LINGO2: variants seen among roughly 807,000 people sequenced by gnomAD.
The protein encoded by LINGO2 is leucine rich repeat and Ig domain containing 2, also known as leucine-rich repeat and immunoglobulin-like domain-containing nogo receptor-interacting protein 2.
Under a neutral mutation model 30.6 loss-of-function variants are expected in LINGO2, and 14 were observed. That is an observed-to-expected ratio of 0.46 (90% confidence interval 0.30 to 0.72). LINGO2 has a LOEUF of 0.72. Among genes scored for constraint, LINGO2 ranks in the 30% least tolerant of loss-of-function variants. The pLI is 0.07. For synonymous variants in LINGO2, 317 were observed against 288.5 expected (o/e 1.10, Z -1.00); for missense variants, 729 against 751.7 (o/e 0.97, Z 0.35).
At chr9:28,034,227 A>G (rs898333790) in intron 4 of LINGO2, among the ~76,000 whole-genome samples, 4 of 152,160 alleles carry the variant, frequency 2.6e-5, no homozygotes, top group Admixed American at 6.5e-5. Flanking sequence ...TCTTGTAACA[A>G]CGCAGCTCCT....
chr9:28,960,024 G>C, the LINGO2 span, among the ~76,000 whole-genome samples: 2 of 152,084 alleles, frequency 1.3e-5, no homozygotes, highest in Non-Finnish European at 2.9e-5. Flanking sequence ...AAGATTTTCA[G>C]CATAAGTGAG....
intron 2 of LINGO2, among the ~76,000 whole-genome samples, chr9:28,376,279 G>A (rs976240974): frequency 2.0e-5 from 3 of 152,070 alleles, no homozygotes; most frequent in Non-Finnish European, 4.4e-5. Context: ...GAGAAGAGAA[G>A]AGAAGCGAAG....
intron 1 of LINGO2, among the ~76,000 whole-genome samples, chr9:28,539,415 T>C (rs1014868887): frequency 6.6e-6 from 1 of 152,128 alleles, no homozygotes; most frequent in African/African-American, 2.4e-5. Context: ...TCATATATAA[T>C]TAACAACTTG....
the LINGO2 span, among the ~76,000 whole-genome samples, chr9:28,836,481 A>T: frequency 6.6e-6 from 1 of 151,560 alleles, no homozygotes; most frequent in Non-Finnish European, 1.5e-5. Flanking sequence ...CACCCAGCTA[A>T]TTTTTTGCAT....
At chr9:28,988,107 G>A in the LINGO2 span, among the ~76,000 whole-genome samples, 16 of 152,002 alleles carry the variant, frequency 1.1e-4, no homozygotes, top group African/African-American at 2.4e-4. Context: ...TGAGATGAAT[G>A]GTCCTTTATT....
At chr9:28,175,658 C>T (rs1434331201) in intron 4 of LINGO2, among the ~76,000 whole-genome samples, 1 of 152,184 alleles carries the variant, frequency 6.6e-6, no homozygotes, top group Non-Finnish European at 1.5e-5. Context: ...CAGGAACAGT[C>T]TCACTGGGAC....
chr9:28,078,056 A>G (rs1825676418), intron 4 of LINGO2, among the ~76,000 whole-genome samples: 2 of 149,438 alleles, frequency 1.3e-5, no homozygotes, highest in South Asian at 4.1e-4. Flanking sequence ...TAACAAATAA[A>G]CAAATAAATA....
At chr9:27,949,319 G>C (rs767183276) in exon 6 of LINGO2, 3 of 1,614,016 alleles carry the variant, frequency 1.9e-6, no homozygotes, top group South Asian at 2.2e-5. Flanking sequence ...TGGTGGTGAT[G>C]AAACGCCTTC....
chr9:28,242,345 G>A (rs1396600061), intron 4 of LINGO2, among the ~76,000 whole-genome samples: 1 of 152,044 alleles, frequency 6.6e-6, no homozygotes, highest in Admixed American at 6.5e-5. Context: ...ATAAATAGCA[G>A]AATTGATCAA....
At chr9:28,594,834 A>C (rs1194854970) in intron 1 of LINGO2, among the ~76,000 whole-genome samples, 1 of 152,078 alleles carries the variant, frequency 6.6e-6, no homozygotes, top group African/African-American at 2.4e-5. Flanking sequence ...TTCCAAGTTA[A>C]AATCTGTATG....
the LINGO2 span, among the ~76,000 whole-genome samples, chr9:29,081,619 T>A: frequency 6.6e-6 from 1 of 152,046 alleles, no homozygotes; most frequent in Admixed American, 6.6e-5. Flanking sequence ...GGGTATTCAA[T>A]TAGGAAAAGA....
chr9:29,087,202 A>G, the LINGO2 span, among the ~76,000 whole-genome samples: 3 of 152,280 alleles, frequency 2.0e-5, no homozygotes, highest in Admixed American at 1.3e-4. Context: ...TTAATGTTAC[A>G]TAGAGTTAAA....
At chr9:28,816,535 T>G in the LINGO2 span, among the ~76,000 whole-genome samples, 5 of 152,182 alleles carry the variant, frequency 3.3e-5, no homozygotes, top group Admixed American at 6.5e-5. Context: ...TAATATTAAA[T>G]AATACTCCTC....
intron 4 of LINGO2, among the ~76,000 whole-genome samples, chr9:28,239,434 C>T (rs537997022): frequency 6.6e-6 from 1 of 152,168 alleles, no homozygotes. Context: ...AAATATCATT[C>T]ATCATGACCA....
the LINGO2 span, among the ~76,000 whole-genome samples, chr9:28,991,196 G>T: frequency 6.6e-6 from 1 of 152,066 alleles, no homozygotes; most frequent in African/African-American, 2.4e-5. Context: ...GAAAGCCATG[G>T]CTCGAGAACT....
chr9:28,883,187 T>A, the LINGO2 span, among the ~76,000 whole-genome samples: 5 of 152,250 alleles, frequency 3.3e-5, no homozygotes, highest in South Asian at 4.1e-4. Context: ...TTCTTTAATT[T>A]ATTTATTTAT....
the LINGO2 span, among the ~76,000 whole-genome samples, chr9:29,116,375 T>A: frequency 6.6e-6 from 1 of 152,246 alleles, no homozygotes; most frequent in South Asian, 2.1e-4. Flanking sequence ...TGAATATATA[T>A]GTTATTTTAA....
At chr9:29,205,842 T>C in the LINGO2 span, among the ~76,000 whole-genome samples, 3 of 152,208 alleles carry the variant, frequency 2.0e-5, no homozygotes, top group African/African-American at 7.2e-5. Context: ...CATTACAGAA[T>C]AGTTCCATTG....
At chr9:28,720,533 T>G in the LINGO2 span, among the ~76,000 whole-genome samples, 3 of 152,038 alleles carry the variant, frequency 2.0e-5, no homozygotes. Context: ...ACGGAATTCA[T>G]ATGTGTAAAA....
Sources: allele counts gnomAD v4.1 joint callset (sites outside exome capture counted in the v4.1 genomes callset), GRCh38; gene constraint gnomAD v4.1.1; transcripts MANE v1.5; gene names NCBI Gene and HGNC (gene_info 2026-07-23, HGNC 2026-07-21).